Variants in LAMA2 observed in about 807,000 individuals in gnomAD.
The protein encoded by LAMA2 is laminin subunit alpha-2.
Under a neutral mutation model 364.8 loss-of-function variants are expected in LAMA2, and 269 were observed. The observed-to-expected ratio is 0.74, with a 90% CI of 0.67 to 0.82. LAMA2 has a LOEUF of 0.82. Ranked by LOEUF, LAMA2 falls within the 40% of genes least tolerant of loss-of-function variation. The pLI, the probability that LAMA2 is intolerant of heterozygous loss-of-function variation, is 0.00. For synonymous variants in LAMA2, 1,379 were observed against 1,370.6 expected, an observed-to-expected ratio of 1.01 and a Z score of -0.14; for missense variants, 3,807 against 3,873.2, an observed-to-expected ratio of 0.98 and a Z score of 0.45.
intron 10 of LAMA2, 63 bp downstream of exon 10, chr6:129,177,929 C>G: frequency 2.0e-6 from 3 of 1,523,486 alleles, no homozygotes; most frequent in Non-Finnish European, 2.7e-6. Flanking sequence ...CTTGGCTTCT[C>G]TGTTGATTTC....
chr6:129,451,172 T>G (rs1259013396), intron 45 of LAMA2, among the ~76,000 whole-genome samples: 1 of 152,186 alleles, frequency 6.6e-6, no homozygotes, highest in Non-Finnish European at 1.5e-5. Flanking sequence ...CATATTAACA[T>G]CCAAGTAAAA....
chr6:129,127,704 C>A (rs1266122744), intron 4 of LAMA2, among the ~76,000 whole-genome samples: 12 of 152,084 alleles, frequency 7.9e-5, no homozygotes. Flanking sequence ...TTTGATATTA[C>A]CTATTCTGAC....
chr6:129,384,859 A>T (rs1381866896), intron 35 of LAMA2, among the ~76,000 whole-genome samples: 2 of 151,876 alleles, frequency 1.3e-5, no homozygotes, highest in Non-Finnish European at 2.9e-5. Flanking sequence ...GTGAAGTGCC[A>T]TGTGGGATAG....
intron 9 of LAMA2, among the ~76,000 whole-genome samples, chr6:129,173,178 G>A (rs1780331406): frequency 6.6e-6 from 1 of 152,150 alleles, no homozygotes; most frequent in African/African-American, 2.4e-5. Context: ...GTTCCTATTG[G>A]GCCATGTTGG....
intron 1 of LAMA2, among the ~76,000 whole-genome samples, chr6:128,969,003 C>G (rs1214066968): frequency 6.6e-6 from 1 of 152,168 alleles, no homozygotes; most frequent in Non-Finnish European, 1.5e-5. Flanking sequence ...CTACAGAAGA[C>G]TTTGGTAGGT....
intron 1 of LAMA2, among the ~76,000 whole-genome samples, chr6:128,997,463 T>G (rs1784052070): frequency 1.3e-5 from 2 of 151,938 alleles, no homozygotes; most frequent in African/African-American, 4.8e-5. Flanking sequence ...TTAGTCAAAG[T>G]TGAAATTGAA....
intron 1 of LAMA2, among the ~76,000 whole-genome samples, chr6:128,887,838 C>A (rs1410816034): frequency 6.6e-6 from 1 of 152,068 alleles, no homozygotes; most frequent in Non-Finnish European, 1.5e-5. Context: ...TCATTGCACT[C>A]CAGCCTGGGC....
chr6:129,300,831 G>A lies in LAMA2; in HGVS notation c.3133G>A (p.Ala1045Thr). Residue 1045 changes from alanine (A) to threonine (T), a missense_variant, in exon 22 of 65, where the codon GCA becomes ACA. Around this residue, in one of 3 missense-constraint regions of LAMA2, gnomAD observed 3,333 missense variants for 3,345.7 expected, o/e 1.00. Coordinates refer to ENST00000421865, the MANE Select transcript of LAMA2 (RefSeq NM_000426.4). ...CATTGGAGAGAAATGTTCTAAATGT[G>A]CACCCAATACCTGGGGCCACAGCAT... ...NTIGEKCSKCAPNTWGHSITT... is the reference protein window; with the variant it reads ...NTIGEKCSKCTPNTWGHSITT... 2 of 1,613,824 alleles carry A rather than the reference G, an allele frequency of 1.2e-6. No homozygotes were observed. Among genetic ancestry groups the A allele is most frequent in the Non-Finnish European group, 1.7e-6 (2 of 1,179,750 alleles).
At chr6:129,011,666 C>G (rs1454904066) in intron 1 of LAMA2, among the ~76,000 whole-genome samples, 1 of 152,188 alleles carries the variant, frequency 6.6e-6, no homozygotes, top group Non-Finnish European at 1.5e-5. Flanking sequence ...AGAGATTACT[C>G]TTAAAATATC....
intron 1 of LAMA2, among the ~76,000 whole-genome samples, chr6:128,967,586 G>T (rs542117828): frequency 6.6e-6 from 1 of 152,230 alleles, no homozygotes; most frequent in South Asian, 2.1e-4. Flanking sequence ...GAGTATATTT[G>T]ACAGATGTTT....
At chr6:129,037,547 A>ATG (rs993367715) in intron 1 of LAMA2, among the ~76,000 whole-genome samples, 1 of 152,028 alleles carries the variant, frequency 6.6e-6, no homozygotes, top group Non-Finnish European at 1.5e-5. Context: ...ATACATACAC[A>ATG]TGTGTGTGTA....
intron 10 of LAMA2, among the ~76,000 whole-genome samples, chr6:129,178,913 C>T (rs1780768422): frequency 6.6e-6 from 1 of 152,084 alleles, no homozygotes; most frequent in African/African-American, 2.4e-5. Context: ...GTATATGTTA[C>T]ATCAGGGGCA....
chr6:129,149,063 G>T lies in LAMA2; in HGVS notation c.994G>T (p.Ala332Ser), dbSNP rs1314915917. 1 of 1,611,942 alleles carries T rather than the reference G, an allele frequency of 6.2e-7. No individual in the cohort carries two copies. Among genetic ancestry groups the T allele is most frequent in the Non-Finnish European group, 8.5e-7 (1 of 1,178,262 alleles). The change falls in exon 7 of 65, where the codon GCT (alanine) becomes TCT (serine). Residue 332 changes from alanine (A) to serine (S), a missense_variant. Ala to Ser is a moderately conservative substitution (Grantham distance 99). This residue lies in a region of LAMA2 where 80 missense variants were observed against 124.0 expected (regional missense o/e 0.65). Transcript: ENST00000421865. ...CPGFHQKPWR[A>S]GTFLTKTECE... ...AGGATTCCATCAGAAACCCTGGAGAGCTGGAACTTTTCTAACTAAAACTGA... is the reference window on the plus strand; with the variant it reads ...AGGATTCCATCAGAAACCCTGGAGATCTGGAACTTTTCTAACTAAAACTGA...
intron 7 of LAMA2, among the ~76,000 whole-genome samples, chr6:129,154,304 C>T (rs563227788): frequency 6.1e-4 from 92 of 151,966 alleles, no homozygotes; most frequent in Middle Eastern, 3.4e-3. Context: ...CCCAGCTACT[C>T]GGGAGGCTGA....
At chr6:129,303,034 A>G (rs1455656373) in intron 22 of LAMA2, among the ~76,000 whole-genome samples, 1 of 152,142 alleles carries the variant, frequency 6.6e-6, no homozygotes, top group East Asian at 1.9e-4. Flanking sequence ...GAATTGATAG[A>G]TCAATTTGGG....
chr6:129,193,860 A>G (rs17729067), intron 12 of LAMA2, among the ~76,000 whole-genome samples: 14,141 of 152,214 alleles, frequency 0.093, 745 homozygotes, highest in Non-Finnish European at 0.12. Flanking sequence ...CTCATATGCT[A>G]CTCAGTGAAT....
At chr6:129,265,452 C>T (rs1455749073) in intron 15 of LAMA2, among the ~76,000 whole-genome samples, 1 of 152,152 alleles carries the variant, frequency 6.6e-6, no homozygotes, top group African/African-American at 2.4e-5. Flanking sequence ...AGTTCTCTCC[C>T]TTTTCTCAAC....
chr6:129,250,034 C>T (rs144478853), intron 12 of LAMA2, 78 bp from the exon 13 acceptor site: 86 of 889,008 alleles, frequency 9.7e-5, no homozygotes, highest in African/African-American at 5.3e-4. Flanking sequence ...CAATAAAATT[C>T]GTATACAACA....
intron 7 of LAMA2, among the ~76,000 whole-genome samples, chr6:129,150,423 G>T (rs1428558242): frequency 6.6e-6 from 1 of 152,170 alleles, no homozygotes; most frequent in Non-Finnish European, 1.5e-5. Context: ...AGTGGGAGCA[G>T]CACTTGAAGG....
Sources: allele counts gnomAD v4.1 joint callset (sites outside exome capture counted in the v4.1 genomes callset), GRCh38; gene constraint gnomAD v4.1.1; regional missense constraint gnomAD v4.1.1; transcripts MANE v1.5; gene names NCBI Gene and HGNC (gene_info 2026-07-23, HGNC 2026-07-21).